MTCL2: variants seen among roughly 807,000 people sequenced by gnomAD.
The protein encoded by MTCL2 is microtubule crosslinking factor 2.
At chr20:36,849,793 G>T in the MTCL2 span, among the ~76,000 whole-genome samples, 1 of 152,204 alleles carries the variant, frequency 6.6e-6, no homozygotes, top group Non-Finnish European at 1.5e-5. Flanking sequence ...ACCTTTGCAC[G>T]TGGCTCCAGA....
chr20:36,861,198 AC>A, the MTCL2 span, among the ~76,000 whole-genome samples: 1 of 151,512 alleles, frequency 6.6e-6, no homozygotes, highest in Non-Finnish European at 1.5e-5. Context: ...GGAGCAAAAG[AC>A]CCTTGTCCTG....
At chr20:36,853,311 C>T in the MTCL2 span, among the ~76,000 whole-genome samples, 3 of 152,162 alleles carry the variant, frequency 2.0e-5, no homozygotes, top group East Asian at 3.9e-4. Flanking sequence ...CACTGCAGCC[C>T]GAGCAATCCC....
the MTCL2 span, chr20:36,785,812 C>T: frequency 1.0e-6 from 1 of 985,546 alleles, no homozygotes; most frequent in Non-Finnish European, 1.2e-6. Context: ...TCCACTTCGC[C>T]TCCCAGCTCT....
chr20:36,834,892 C>T, the MTCL2 span, among the ~76,000 whole-genome samples: 1 of 151,930 alleles, frequency 6.6e-6, no homozygotes, highest in African/African-American at 2.4e-5. Context: ...ATCCCAGCTA[C>T]TTGGGAGGCT....
the MTCL2 span, among the ~76,000 whole-genome samples, chr20:36,790,212 C>G: frequency 1.3e-5 from 2 of 150,900 alleles, no homozygotes; most frequent in African/African-American, 2.4e-5. Flanking sequence ...AGGATGGTCT[C>G]GATCTCCTGA....
At chr20:36,862,537 G>A in the MTCL2 span, 2 of 968,980 alleles carry the variant, frequency 2.1e-6, no homozygotes, top group Non-Finnish European at 2.8e-6. Context: ...GGTCCCCAGA[G>A]GGCTTGGGCC....
At chr20:36,784,173 G>A in the MTCL2 span, 1 of 986,004 alleles carries the variant, frequency 1.0e-6, no homozygotes, top group Non-Finnish European at 1.2e-6. Flanking sequence ...CTGGTGGCTT[G>A]TGGCCTGATG....
the MTCL2 span, chr20:36,783,909 G>A: frequency 1.0e-6 from 1 of 985,356 alleles, no homozygotes; most frequent in Non-Finnish European, 1.2e-6. Context: ...ACCCCATCCA[G>A]CCCCACGTCC....
the MTCL2 span, among the ~76,000 whole-genome samples, chr20:36,799,369 G>A: frequency 6.6e-6 from 1 of 152,094 alleles, no homozygotes; most frequent in Non-Finnish European, 1.5e-5. Flanking sequence ...GTATAAGCCT[G>A]TAATCCCAGC....
chr20:36,853,213 G>A, the MTCL2 span, among the ~76,000 whole-genome samples: 1 of 152,046 alleles, frequency 6.6e-6, no homozygotes, highest in African/African-American at 2.4e-5. Flanking sequence ...AATGAGGGAA[G>A]ACTGGGGCCT....
chr20:36,809,901 C>T, the MTCL2 span: 1 of 1,502,258 alleles, frequency 6.7e-7, no homozygotes, highest in South Asian at 1.2e-5. Flanking sequence ...CTTCAGAGGG[C>T]CCATAGATCC....
chr20:36,842,337 T>C, the MTCL2 span, among the ~76,000 whole-genome samples: 2 of 151,968 alleles, frequency 1.3e-5, no homozygotes, highest in African/African-American at 2.4e-5. Context: ...AGATACTAAG[T>C]GTAAGGGGGA....
the MTCL2 span, chr20:36,805,871 G>C: frequency 1.9e-6 from 3 of 1,612,210 alleles, no homozygotes; most frequent in Non-Finnish European, 2.5e-6. Context: ...GGGTCCAGCT[G>C]TCCCCCGTGC....
chr20:36,844,829 TG>T, the MTCL2 span, among the ~76,000 whole-genome samples: 32 of 152,158 alleles, frequency 2.1e-4, no homozygotes, highest in Non-Finnish European at 4.1e-4. Flanking sequence ...GAGACCAGCC[TG>T]GGCAACTTGG....
chr20:36,810,717 CCTCTCTCT>C, the MTCL2 span, among the ~76,000 whole-genome samples: 554 of 94,256 alleles, frequency 5.9e-3, 9 homozygotes, highest in African/African-American at 0.019. Flanking sequence ...TCTCTCTCTC[CCTCTCTCT>C]CTCTCTCTCT....
chr20:36,818,457 T>C, the MTCL2 span, among the ~76,000 whole-genome samples: 1 of 152,026 alleles, frequency 6.6e-6, no homozygotes, highest in Admixed American at 6.5e-5. Context: ...TAATTACACA[T>C]GAGGCTTAGA....
chr20:36,786,484 G>GTC, the MTCL2 span: 1 of 1,534,504 alleles, frequency 6.5e-7, no homozygotes, highest in African/African-American at 1.4e-5. Flanking sequence ...TGGCTGCTCT[G>GTC]TCACTCGCTG....
the MTCL2 span, among the ~76,000 whole-genome samples, chr20:36,858,590 A>G: frequency 6.6e-6 from 1 of 151,874 alleles, no homozygotes; most frequent in Non-Finnish European, 1.5e-5. Context: ...ACATTCTAAA[A>G]CTAAGGAAAT....
chr20:36,845,863 G>A, the MTCL2 span, among the ~76,000 whole-genome samples: 4 of 152,226 alleles, frequency 2.6e-5, no homozygotes, highest in Middle Eastern at 3.4e-3. Context: ...GGAGGTGGGG[G>A]TGAGGAGCAC....
Sources: allele counts gnomAD v4.1 joint callset (sites outside exome capture counted in the v4.1 genomes callset), GRCh38; gene constraint gnomAD v4.1.1; transcripts MANE v1.5; gene names NCBI Gene and HGNC (gene_info 2026-07-23, HGNC 2026-07-21).